The following SUGCT variants were observed in gnomAD, a reference collection of about 807,000 sequenced individuals.
The protein encoded by SUGCT is succinyl-CoA:glutarate-CoA transferase.
Under a neutral mutation model 55.0 loss-of-function variants are expected in SUGCT, and 41 were observed. That is an observed-to-expected ratio of 0.74 (90% confidence interval 0.58 to 0.97). SUGCT has a LOEUF of 0.97. SUGCT is among the 50% of genes least tolerant of loss of function. SUGCT has a pLI of 0.00. For missense variants in SUGCT, 568 were observed against 547.8 expected (o/e 1.04, Z -0.37); for synonymous variants, 187 against 200.4 (o/e 0.93, Z 0.56).
intron 8 of SUGCT, among the ~76,000 whole-genome samples, chr7:40,278,693 T>C (rs971912506): frequency 6.6e-6 from 1 of 152,072 alleles, no homozygotes; most frequent in East Asian, 1.9e-4. Context: ...TCTCCTTTTT[T>C]TCTCTCTCAT....
At chr7:40,525,095 T>C (rs1385939117) in intron 12 of SUGCT, among the ~76,000 whole-genome samples, 2 of 152,220 alleles carry the variant, frequency 1.3e-5, no homozygotes, top group African/African-American at 4.8e-5. Context: ...GTAAATTCAA[T>C]ATAACAGAAT....
At chr7:41,021,309 A>G in the SUGCT span, among the ~76,000 whole-genome samples, 1 of 152,242 alleles carries the variant, frequency 6.6e-6, no homozygotes, top group African/African-American at 2.4e-5. Context: ...CTAGGAATTC[A>G]GAGCTAAAAA....
intron 13 of SUGCT, among the ~76,000 whole-genome samples, chr7:40,847,399 T>TTTTC (rs201875749): frequency 1.1e-4 from 15 of 138,330 alleles, no homozygotes; most frequent in South Asian, 2.5e-4. Context: ...TATACATTTC[T>TTTTC]TTTCTTTCTT....
chr7:40,965,086 G>A, the SUGCT span: 1 of 152,228 alleles, frequency 6.6e-6, no homozygotes, highest in East Asian at 1.9e-4. Flanking sequence ...CTAAGGAGGA[G>A]ACTCTAGCCT....
chr7:40,578,767 A>T (rs1359057537), intron 12 of SUGCT, among the ~76,000 whole-genome samples: 2 of 152,198 alleles, frequency 1.3e-5, no homozygotes, highest in Non-Finnish European at 2.9e-5. Flanking sequence ...GTCATGCAAT[A>T]AAAAAGACCT....
At chr7:40,824,152 T>A (rs898797831) in intron 13 of SUGCT, among the ~76,000 whole-genome samples, 5 of 151,660 alleles carry the variant, frequency 3.3e-5, no homozygotes, top group Admixed American at 2.6e-4. Context: ...AGTAGCTAGC[T>A]AAATCCTCAA....
downstream of SUGCT, among the ~76,000 whole-genome samples, chr7:40,863,021 T>C (rs1584555703): frequency 9.5e-6 from 1 of 104,716 alleles, no homozygotes; most frequent in Admixed American, 9.6e-5. Context: ...CCTGGATCGC[T>C]TGAAGTCAGC....
chr7:40,769,177 G>C (rs536912779), intron 13 of SUGCT, among the ~76,000 whole-genome samples: 1 of 152,178 alleles, frequency 6.6e-6, no homozygotes, highest in South Asian at 2.1e-4. Context: ...TAAAAGAAGA[G>C]AGTGGATGAG....
the SUGCT span, among the ~76,000 whole-genome samples, chr7:40,897,992 G>A: frequency 4.6e-5 from 7 of 152,214 alleles, no homozygotes; most frequent in East Asian, 1.9e-4. Context: ...GTGGCCACCC[G>A]CTCAGGTTCC....
rs571105069 is a variant in SUGCT, at chr7:40,432,558, C to A, written c.817-16729C>A. Among the ~76,000 whole-genome samples, 28 of 151,958 alleles carry A rather than the reference C, an allele frequency of 1.8e-4. 2 individuals carry two copies. The South Asian group carries it at 5.0e-3, about 27-fold the overall frequency. On this transcript the variant is annotated intron_variant, in intron 9 of 13. Transcript: ENST00000335693. ...AAAGTTAGCTGGGTATGGTGGTGGG[C>A]ACCTGTAATCCCAGCTACTCGGGAG...
rs1801344714 is a variant in SUGCT at position 40,661,853 on chromosome 7, G to GAAGCATGTAAAGCATACAGGGTA, written c.1090-87581_1090-87580insAAGCATGTAAAGCATACAGGGTA. 7.9e-5 allele frequency among the ~76,000 whole-genome samples: 12 copies of GAAGCATGTAAAGCATACAGGGTA among 152,178 alleles called. 1 individual carries two copies. Among genetic ancestry groups the GAAGCATGTAAAGCATACAGGGTA allele is most frequent in the Middle Eastern group, 3.4e-3 (1 of 294 alleles). ...TTTCTCTACCATGTTTTACATGTTA[G>GAAGCATGTAAAGCATACAGGGTA]TGCTTCAGCCATACCCTCTCTCCTG... On this transcript the variant is annotated intron_variant, in intron 12 of 13. Transcript: ENST00000335693.
At chr7:40,334,360 C>A (rs1179028781) in intron 9 of SUGCT, among the ~76,000 whole-genome samples, 1 of 152,176 alleles carries the variant, frequency 6.6e-6, no homozygotes, top group Non-Finnish European at 1.5e-5. Context: ...AGTTTACAAT[C>A]CCACCAACAG....
chr7:40,984,393 G>A, the SUGCT span, among the ~76,000 whole-genome samples: 2 of 150,732 alleles, frequency 1.3e-5, no homozygotes, highest in Admixed American at 6.6e-5. Context: ...TTTTTTATAG[G>A]CAAAAAAAAA....
chr7:40,831,409 T>C (rs1031602827), intron 13 of SUGCT, among the ~76,000 whole-genome samples: 2 of 151,966 alleles, frequency 1.3e-5, no homozygotes, highest in Non-Finnish European at 2.9e-5. Flanking sequence ...ACAGGTTAGG[T>C]TGGAGAGAGT....
intron 9 of SUGCT, among the ~76,000 whole-genome samples, chr7:40,394,926 T>G (rs1302268896): frequency 6.6e-6 from 1 of 152,246 alleles, no homozygotes; most frequent in Non-Finnish European, 1.5e-5. Flanking sequence ...ATTTTCTTTA[T>G]GGACACTTAA....
At chr7:40,511,740 A>C (rs1792944008) in intron 12 of SUGCT, among the ~76,000 whole-genome samples, 1 of 152,208 alleles carries the variant, frequency 6.6e-6, no homozygotes. Context: ...AAAATGTTAA[A>C]GCGTATAATG....
intron 6 of SUGCT, among the ~76,000 whole-genome samples, chr7:40,225,303 AG>A (rs1416320486): frequency 6.6e-6 from 1 of 152,090 alleles, no homozygotes; most frequent in East Asian, 1.9e-4. Flanking sequence ...ACATTTCAGA[AG>A]TTTTAGATGC....
the SUGCT span, among the ~76,000 whole-genome samples, chr7:41,038,440 G>T: frequency 6.6e-6 from 1 of 152,188 alleles, no homozygotes; most frequent in Admixed American, 6.5e-5. Context: ...GGAATGTTCC[G>T]CAGGCCTGTT....
chr7:40,340,676 A>G (rs1796994774), intron 9 of SUGCT, among the ~76,000 whole-genome samples: 1 of 152,204 alleles, frequency 6.6e-6, no homozygotes, highest in South Asian at 2.1e-4. Flanking sequence ...GTGACAGGTC[A>G]GGTGTAAATA....
Sources: gnomAD v4.1 joint callset for allele counts (sites outside exome capture counted in the v4.1 genomes callset) on GRCh38, gnomAD v4.1.1 for gene constraint, MANE v1.5 for transcripts, NCBI Gene and HGNC (gene_info 2026-07-23, HGNC 2026-07-21) for gene names.